Variants in FNIP1 observed in about 807,000 individuals in gnomAD.
FNIP1 encodes folliculin-interacting protein 1.
Under a neutral mutation model 124.5 loss-of-function variants are expected in FNIP1, and 40 were observed. The ratio of observed to expected loss-of-function variants is 0.32; its 90% CI spans 0.25 to 0.42. The LOEUF (loss-of-function observed/expected upper bound fraction) is 0.42. Among genes scored for constraint, FNIP1 ranks in the 10% least tolerant of loss-of-function variants. The pLI is 1.00. For synonymous variants in FNIP1, 472 were observed against 470.6 expected (o/e 1.00, Z -0.04); for missense variants, 1,176 against 1,403.7 (o/e 0.84, Z 2.59).
intron 1 of FNIP1, among the ~76,000 whole-genome samples, chr5:131,757,635 C>CAA (rs372983798): frequency 4.3e-5 from 3 of 70,416 alleles, no homozygotes; most frequent in African/African-American, 1.6e-4. Context: ...CTCTGAAGGC[C>CAA]AAAAAAAAAA....
intron 11 of FNIP1, among the ~76,000 whole-genome samples, chr5:131,687,893 A>G (rs1189619400): frequency 6.6e-6 from 1 of 152,210 alleles, no homozygotes; most frequent in Non-Finnish European, 1.5e-5. Flanking sequence ...GTTCGGACAG[A>G]GGTAGTGACA....
At chr5:131,738,403 T>C (rs965994489) in intron 2 of FNIP1, among the ~76,000 whole-genome samples, 1 of 152,168 alleles carries the variant, frequency 6.6e-6, no homozygotes, top group African/African-American at 2.4e-5. Flanking sequence ...CCTTATGGTG[T>C]TGTTTTCTGT....
chr5:131,665,219 T>G (rs1767562194), intron 15 of FNIP1, among the ~76,000 whole-genome samples: 1 of 152,082 alleles, frequency 6.6e-6, no homozygotes. Context: ...TCTTATGATA[T>G]ACCGGCAATA....
intron 2 of FNIP1, among the ~76,000 whole-genome samples, chr5:131,733,988 T>C (rs917445301): frequency 8.5e-5 from 13 of 152,208 alleles, no homozygotes; most frequent in Non-Finnish European, 8.8e-5. Context: ...AAGCTATTAA[T>C]TATTACCTCA....
Position 131,651,817 on chromosome 5 carries a change from G to A in FNIP1, c.3291C>T (p.Asn1097=), listed in dbSNP as rs1767047618. The stretch of plus-strand genomic sequence containing the variant: ...ACATACTTACAAAATTTGGAGACAA[G>A]TTATGCTTATAAAGCTGAAGTGTGG... ...LHSTLQLYKH[N]LSPNFCVMHL... Residue 1097 remains asparagine, a synonymous_variant, in exon 16 of 18, where the codon AAC becomes AAT. Transcript: ENST00000510461. 5 of 1,614,042 alleles carry A rather than the reference G, an allele frequency of 3.1e-6. No individual in the cohort carries two copies. The East Asian group carries it at 6.7e-5, about 22-fold the overall frequency.
Position 131,679,130 on chromosome 5 carries a change from A to G in FNIP1, c.1248T>C (p.Pro416=), listed in dbSNP as rs749709697. 1.2e-6 allele frequency: 2 copies of G among 1,602,466 alleles called. No individual in the cohort carries two copies. The highest frequency in any genetic ancestry group is 2.2e-5 in the South Asian group (2 of 90,538). The change falls in exon 12 of 18, where the codon CCT becomes CCC. Residue 416 remains proline, a synonymous_variant. Coordinates refer to ENST00000510461, the MANE Select transcript of FNIP1 (RefSeq NM_133372.3). ...NLYTMPRIGE[P]VWLTMMSGTP... ...TCCCCGACATCATTGTAAGCCAGAC[A>G]GGTTCTCCAATTCGTGGCATCGTGT... is the stretch of plus-strand genomic sequence containing the variant.
chr5:131,678,205 AACC>A (rs1414418647), intron 12 of FNIP1, among the ~76,000 whole-genome samples: 2 of 152,220 alleles, frequency 1.3e-5, no homozygotes, highest in African/African-American at 4.8e-5. Context: ...TTACTGAATC[AACC>A]AGCAGGTCCT....
intron 7 of FNIP1, among the ~76,000 whole-genome samples, chr5:131,709,733 A>G (rs913148175): frequency 5.3e-5 from 8 of 152,194 alleles, no homozygotes; most frequent in African/African-American, 1.7e-4. Flanking sequence ...ATTTTCTTTA[A>G]AAAACAAAAA....
At position 131,719,398 on chromosome 5, in the gene FNIP1, T is replaced by A; in HGVS notation, c.374A>T (p.Asp125Val). The A allele has an allele frequency of 6.2e-7, 1 of 1,613,260 alleles. No individual in the cohort carries two copies. Among genetic ancestry groups the A allele is most frequent in the Non-Finnish European group, 8.5e-7 (1 of 1,179,772 alleles). The stretch of plus-strand genomic sequence containing the variant: ...CATCATCTCTCCAAGCATATTGGCA[T>A]CAGAAGAGCACCGAGAACCCTAAAC... Reference protein sequence around the residue: ...LKYQGSRCSSDANMLGEMMFG... With the variant: ...LKYQGSRCSSVANMLGEMMFG... Residue 125 changes from aspartate to valine, a missense_variant, in exon 4 of 18, where the codon GAT becomes GTT. Around this residue, in one of 2 missense-constraint regions of FNIP1, gnomAD observed 1,109 missense variants for 1,288.5 expected, o/e 0.86. Transcript: ENST00000510461.
chr5:131,675,217 A>C (rs1767875854), intron 13 of FNIP1, among the ~76,000 whole-genome samples: 1 of 152,218 alleles, frequency 6.6e-6, no homozygotes, highest in African/African-American at 2.4e-5. Flanking sequence ...CTGCCAGTCC[A>C]TAGCTTCCCA....
chr5:131,737,270 G>T (rs376169915), intron 2 of FNIP1, among the ~76,000 whole-genome samples: 1 of 152,178 alleles, frequency 6.6e-6, no homozygotes, highest in East Asian at 1.9e-4. Context: ...GAAAAGTCAC[G>T]ACTTCAAGAT....
intron 15 of FNIP1, among the ~76,000 whole-genome samples, chr5:131,658,907 CAA>C (rs70974003): frequency 1.2e-4 from 5 of 41,182 alleles, no homozygotes; most frequent in African/African-American, 4.1e-4. Context: ...TGGGTCTAGC[CAA>C]AAAAAAAAAA....
chr5:131,748,494 C>A (rs1350313543), intron 1 of FNIP1, among the ~76,000 whole-genome samples: 1 of 151,958 alleles, frequency 6.6e-6, no homozygotes, highest in African/African-American at 2.4e-5. Flanking sequence ...GAGATTGAGA[C>A]CATCCTGACT....
At chr5:131,706,269 T>G in intron 9 of FNIP1, 142 bp downstream of exon 9, 1 of 933,624 alleles carries the variant, frequency 1.1e-6, no homozygotes, top group Non-Finnish European at 1.5e-6. Flanking sequence ...CTTACCACAA[T>G]TTTAAAAATG....
intron 1 of FNIP1, among the ~76,000 whole-genome samples, chr5:131,754,176 CT>C (rs556851129): frequency 2.6e-3 from 400 of 152,286 alleles, no homozygotes; most frequent in African/African-American, 8.9e-3. Context: ...GAATATTTCT[CT>C]GTCACATTCT....
intron 10 of FNIP1, among the ~76,000 whole-genome samples, chr5:131,703,581 C>T (rs1234977250): frequency 2.0e-5 from 3 of 152,232 alleles, no homozygotes; most frequent in Admixed American, 6.5e-5. Context: ...TGGAATATCT[C>T]GTTCCAGATG....
intron 3 of FNIP1, among the ~76,000 whole-genome samples, chr5:131,724,888 G>A (rs1366997964): frequency 6.6e-6 from 1 of 152,164 alleles, no homozygotes; most frequent in African/African-American, 2.4e-5. Context: ...TAAGGTGTAA[G>A]GAAGGAATCC....
chr5:131,706,530 C>T lies in FNIP1; in HGVS notation c.795G>A (p.Leu265=). Residue 265 remains leucine (L), a synonymous_variant, in exon 9 of 18, where the codon TTG becomes TTA. Coordinates refer to ENST00000510461, the MANE Select transcript of FNIP1 (RefSeq NM_133372.3). ...GIARSASLSS[L]LITPFPSPNS... is the part of the protein sequence containing the mutation. Reference sequence around the variant, plus strand: ...TTGGGGAAGGAAATGGAGTGATCAGCAAGCTGCTGAGAGATGCTGTTAAGT... The same window carrying T: ...TTGGGGAAGGAAATGGAGTGATCAGTAAGCTGCTGAGAGATGCTGTTAAGT... 6.2e-7 allele frequency: 1 copy of T among 1,603,362 alleles called. No individual in the cohort carries two copies. Among genetic ancestry groups the T allele is most frequent in the Non-Finnish European group, 8.5e-7 (1 of 1,174,462 alleles).
intron 1 of FNIP1, among the ~76,000 whole-genome samples, chr5:131,757,446 T>C (rs897996186): frequency 1.3e-5 from 2 of 152,092 alleles, no homozygotes; most frequent in African/African-American, 4.8e-5. Flanking sequence ...TGGATGCCAA[T>C]AACAAAATAG....
Sources: gnomAD v4.1 joint callset for allele counts (sites outside exome capture counted in the v4.1 genomes callset) on GRCh38, gnomAD v4.1.1 for gene constraint, gnomAD v4.1.1 regional missense constraint, MANE v1.5 for transcripts, NCBI Gene and HGNC (gene_info 2026-07-23, HGNC 2026-07-21) for gene names.